Variants in CSF2RA observed in about 807,000 individuals in gnomAD.
CSF2RA encodes the protein colony stimulating factor 2 receptor subunit alpha.
CSF2RA carries 42 observed loss-of-function variants against 51.6 expected under a neutral mutation model. The observed-to-expected ratio is 0.81, with a 90% CI of 0.64 to 1.05. CSF2RA has a LOEUF of 1.05. Among genes scored for constraint, CSF2RA ranks in the 50% least tolerant of loss-of-function variants. The pLI, the probability that CSF2RA is intolerant of heterozygous loss-of-function variation, is 0.00. For synonymous variants in CSF2RA, 222 were observed against 193.0 expected (o/e 1.15, Z -1.24); for missense variants, 530 against 501.1 (o/e 1.06, Z -0.55).
chrX:1,322,439 GTTTTT>G, the CSF2RA span, among the ~76,000 whole-genome samples: 1 of 120,686 alleles, frequency 8.3e-6, no homozygotes, highest in Non-Finnish European at 1.6e-5. Context: ...GTGTGTGTTT[GTTTTT>G]TTTTTTTTTT....
chrX:1,304,389 G>A (rs868538268), intron 11 of CSF2RA, among the ~76,000 whole-genome samples: 3 of 143,734 alleles, frequency 2.1e-5, no homozygotes, highest in African/African-American at 5.3e-5. Flanking sequence ...GACAGGGCGA[G>A]ACTCCATCTC....
chrX:1,308,255 C>T (rs1237624623), intron 12 of CSF2RA, among the ~76,000 whole-genome samples: 2 of 151,996 alleles, frequency 1.3e-5, no homozygotes, highest in Admixed American at 6.6e-5. Flanking sequence ...GTCATTGGTG[C>T]CGGGTATCAG....
intron 2 of CSF2RA, chrX:1,282,242 C>T (rs1208199884): frequency 5.3e-6 from 1 of 188,020 alleles, no homozygotes; most frequent in Non-Finnish European, 1.1e-5. Context: ...CAAAACAAAA[C>T]AAAAGTTATG....
chrX:1,314,660 T>C (rs149705560), downstream of CSF2RA, among the ~76,000 whole-genome samples: 202 of 330 alleles, frequency 0.61, 98 homozygotes, highest in Admixed American at 0.85. Flanking sequence ...CCTGCCCAAC[T>C]GCACTGCACT....
Position 1,275,108 on chromosome X carries a change from G to A in CSF2RA, c.-27+290G>A, listed in dbSNP as rs1466181795. 4.2e-5 allele frequency among the ~76,000 whole-genome samples: 6 copies of A among 144,430 alleles called. No individual in the cohort carries two copies. In the East Asian group the frequency reaches 1.2e-3, roughly 29 times the overall value. 94.8% of individuals were successfully genotyped at this position (144,430 alleles called of 152,430 possible). A position where few individuals can be genotyped will look rare whatever the true frequency, so the allele number is the denominator to read the frequency against. ...CCTGTCAAAAAAAAAAAAAAAAAGAGCCGGCCGGGCGCAGTGGCTCAAGCC... is the reference window on the plus strand; with the variant it reads ...CCTGTCAAAAAAAAAAAAAAAAAGAACCGGCCGGGCGCAGTGGCTCAAGCC... On this transcript the variant is annotated intron_variant, in intron 2 of 12. Transcript: ENST00000381529.
chrX:1,294,324 A>T lies in CSF2RA; in HGVS notation c.647-4A>T. 1 of 1,613,170 alleles carries T rather than the reference A, an allele frequency of 6.2e-7. No individual in the cohort carries two copies. The highest frequency in any genetic ancestry group is 2.2e-5 in the East Asian group (1 of 44,848). ...CAGGGGTGTGTCCTGCGCCCTCGTTACAGAACGATTCAACCCTCCCAGCAA... is the reference window on the plus strand; with the variant it reads ...CAGGGGTGTGTCCTGCGCCCTCGTTTCAGAACGATTCAACCCTCCCAGCAA... On this transcript the variant is annotated splice_polypyrimidine_tract_variant and splice_region_variant and intron_variant, in intron 7 of 12. Coordinates refer to ENST00000381529, the MANE Select transcript of CSF2RA (RefSeq NM_172245.4).
intron 12 of CSF2RA, chrX:1,305,936 G>A (rs2083518251): frequency 1.4e-6 from 1 of 734,150 alleles, no homozygotes; most frequent in Non-Finnish European, 2.2e-6. Flanking sequence ...CAAAAAATTA[G>A]CTGGGTGTGG....
At chrX:1,323,603 G>C in the CSF2RA span, among the ~76,000 whole-genome samples, 3 of 151,742 alleles carry the variant, frequency 2.0e-5, no homozygotes, top group South Asian at 2.1e-4. Flanking sequence ...AGCTGTCTGG[G>C]CTGGGTGTGG....
intron 1 of CSF2RA, among the ~76,000 whole-genome samples, chrX:1,271,787 G>A (rs2088468338): frequency 6.6e-6 from 1 of 151,978 alleles, no homozygotes; most frequent in Non-Finnish European, 1.5e-5. Flanking sequence ...AAAGGGCTGG[G>A]ATTACAGACA....
At chrX:1,315,770 AATAGATAGATAG>A in the CSF2RA span, among the ~76,000 whole-genome samples, 2,850 of 124,534 alleles carry the variant, frequency 0.023, 50 homozygotes, top group African/African-American at 0.047. Context: ...TAAAATAGAT[AATAGATAGATAG>A]ATAGATAGAT....
chrX:1,317,364 G>A, the CSF2RA span, among the ~76,000 whole-genome samples: 3 of 132,414 alleles, frequency 2.3e-5, no homozygotes, highest in African/African-American at 5.7e-5. Flanking sequence ...CGATTCTCCC[G>A]CCTCAGCCTC....
chrX:1,307,045 G>T (rs781026974), intron 12 of CSF2RA, among the ~76,000 whole-genome samples: 1 of 151,716 alleles, frequency 6.6e-6, no homozygotes, highest in Admixed American at 6.6e-5. Context: ...GAACAAGGGC[G>T]AGGAACCATG....
At chrX:1,301,565 G>A (rs1456334587) in intron 10 of CSF2RA, among the ~76,000 whole-genome samples, 2 of 149,656 alleles carry the variant, frequency 1.3e-5, no homozygotes, top group Non-Finnish European at 3.0e-5. Context: ...CGGCTCCCTG[G>A]CCAAGGGGAA....
At chrX:1,269,253 C>T (rs371442156) in intron 1 of CSF2RA, among the ~76,000 whole-genome samples, 3 of 152,018 alleles carry the variant, frequency 2.0e-5, no homozygotes, top group Non-Finnish European at 2.9e-5. Flanking sequence ...AGCTACAGGG[C>T]GTTGGGGTGT....
intron 10 of CSF2RA, among the ~76,000 whole-genome samples, chrX:1,303,619 T>A (rs1286010693): frequency 6.6e-6 from 1 of 151,292 alleles, no homozygotes; most frequent in African/African-American, 2.4e-5. Flanking sequence ...CAGGTGATCC[T>A]CCCGTGTCGG....
chrX:1,314,990 C>A (rs866064555), downstream of CSF2RA, among the ~76,000 whole-genome samples: 6 of 103,006 alleles, frequency 5.8e-5, no homozygotes, highest in South Asian at 2.9e-4. Context: ...AATCGCACTG[C>A]ACCTGCCCAA....
chrX:1,305,882 A>G, intron 12 of CSF2RA: 1 of 1,226,940 alleles, frequency 8.2e-7, no homozygotes, highest in Non-Finnish European at 1.2e-6. Context: ...GAGGTTCGAG[A>G]CCAGCCTGGC....
chrX:1,308,947 G>A (rs1261580020), intron 12 of CSF2RA, among the ~76,000 whole-genome samples: 2 of 152,166 alleles, frequency 1.3e-5, no homozygotes, highest in African/African-American at 4.8e-5. Flanking sequence ...AAAACCCATG[G>A]CCAGGTGCAG....
At chrX:1,288,694 C>G in intron 5 of CSF2RA, 52 bp downstream of exon 5, 1 of 1,613,914 alleles carries the variant, frequency 6.2e-7, no homozygotes, top group Non-Finnish European at 8.5e-7. Context: ...CACCACCCCG[C>G]CAGCATCAAA....
Sources: gnomAD v4.1 joint callset for allele counts (sites outside exome capture counted in the v4.1 genomes callset) on GRCh38, gnomAD v4.1.1 for gene constraint, MANE v1.5 for transcripts, NCBI Gene and HGNC (gene_info 2026-07-23, HGNC 2026-07-21) for gene names.